The following PCDHA2 variants were observed in gnomAD, a reference collection of about 807,000 sequenced individuals.
PCDHA2 encodes protocadherin alpha-2.
A neutral mutation model predicts 66.0 loss-of-function variants in PCDHA2; 58 were observed. That is an observed-to-expected ratio of 0.88 (90% CI 0.71 to 1.09). The LOEUF (loss-of-function observed/expected upper bound fraction) is 1.09. Ranked by LOEUF, PCDHA2 falls within the 50% of genes least tolerant of loss-of-function variation. The pLI is 0.00. For missense variants in PCDHA2, 1,267 were observed against 1,242.3 expected (o/e 1.02, Z -0.30); for synonymous variants, 634 against 554.0 (o/e 1.14, Z -2.03).
intron 1 of PCDHA2, among the ~76,000 whole-genome samples, chr5:140,798,031 A>T (rs532072029): frequency 6.6e-6 from 1 of 151,744 alleles, no homozygotes; most frequent in Non-Finnish European, 1.5e-5. Flanking sequence ...TTCTTTTTTA[A>T]ATTTTTTATT....
At chr5:140,968,460 C>T (rs1554230749) in intron 1 of PCDHA2, 3 of 1,613,978 alleles carry the variant, frequency 1.9e-6, no homozygotes, top group Non-Finnish European at 2.5e-6. Context: ...ACTGTGACTG[C>T]CAACGTATAT....
chr5:140,925,668 A>G (rs1215540778), intron 1 of PCDHA2, among the ~76,000 whole-genome samples: 1 of 149,482 alleles, frequency 6.7e-6, no homozygotes, highest in Admixed American at 6.7e-5. Context: ...TAATAATAAT[A>G]ATAATAATAA....
chr5:140,830,306 C>T, intron 1 of PCDHA2: 11 of 1,613,980 alleles, frequency 6.8e-6, no homozygotes, highest in Non-Finnish European at 9.3e-6. Context: ...CAAGCCCACG[C>T]TGGTGTGCTC....
intron 1 of PCDHA2, among the ~76,000 whole-genome samples, chr5:140,939,802 A>C (rs1347672258): frequency 6.6e-6 from 1 of 152,220 alleles, no homozygotes; most frequent in Admixed American, 6.5e-5. Context: ...AATGTTCTGC[A>C]TGTTCAAGAA....
intron 1 of PCDHA2, among the ~76,000 whole-genome samples, chr5:140,977,165 T>C (rs921089293): frequency 1.3e-5 from 2 of 152,156 alleles, no homozygotes; most frequent in Non-Finnish European, 2.9e-5. Context: ...TTCAGCAAAA[T>C]GAGTTTGATG....
intron 1 of PCDHA2, chr5:140,857,901 G>A (rs782807567): frequency 1.9e-6 from 3 of 1,597,728 alleles, no homozygotes; most frequent in East Asian, 4.5e-5. Flanking sequence ...GTTGGTGCAC[G>A]CATCCCGTTT....
At chr5:140,847,164 T>C (rs1780885642) in intron 1 of PCDHA2, among the ~76,000 whole-genome samples, 1 of 149,534 alleles carries the variant, frequency 6.7e-6, no homozygotes, top group Non-Finnish European at 1.5e-5. Flanking sequence ...TTCTGAGTAA[T>C]AAACTAAAGG....
At chr5:140,967,150 C>T (rs1400431511) in intron 1 of PCDHA2, 1 of 1,611,004 alleles carries the variant, frequency 6.2e-7, no homozygotes, top group Non-Finnish European at 8.5e-7. Context: ...CGCACAACCC[C>T]GTGGCGGTGA....
At chr5:140,883,973 G>C (rs782157297) in intron 1 of PCDHA2, 1 of 1,612,840 alleles carries the variant, frequency 6.2e-7, no homozygotes, top group Non-Finnish European at 8.5e-7. Flanking sequence ...GCTGACGCCC[G>C]GGGCTGGCAG....
chr5:140,952,101 A>G (rs1451958490), intron 1 of PCDHA2, among the ~76,000 whole-genome samples: 1 of 151,950 alleles, frequency 6.6e-6, no homozygotes, highest in African/African-American at 2.4e-5. Flanking sequence ...TCCAGGGCAC[A>G]CTCGTGTGAG....
At chr5:140,803,309 C>T in intron 1 of PCDHA2, 1 of 1,614,164 alleles carries the variant, frequency 6.2e-7, no homozygotes, top group Non-Finnish European at 8.5e-7. Context: ...TCGTCGCCAT[C>T]TGCGCGGTGT....
chr5:140,946,611 A>T (rs868983636), intron 1 of PCDHA2, among the ~76,000 whole-genome samples: 1 of 86,804 alleles, frequency 1.2e-5, no homozygotes, highest in Admixed American at 1.2e-4. Context: ...GAAAATGTGA[A>T]ATATATATAT....
At chr5:141,005,478 C>T (rs1021420332) in intron 3 of PCDHA2, among the ~76,000 whole-genome samples, 8 of 151,550 alleles carry the variant, frequency 5.3e-5, no homozygotes, top group East Asian at 3.9e-4. Context: ...CCGAGACGGG[C>T]GGATCATGAG....
At chr5:140,828,526 T>C in intron 1 of PCDHA2, 4 of 1,614,226 alleles carry the variant, frequency 2.5e-6, no homozygotes, top group Non-Finnish European at 3.4e-6. Context: ...TTTACGAATC[T>C]AGGCTGCCAG....
At chr5:140,834,160 T>G (rs2150213873) in intron 1 of PCDHA2, 2 of 539,050 alleles carry the variant, frequency 3.7e-6, no homozygotes, top group Non-Finnish European at 6.5e-6. Context: ...GGTTTGTAAT[T>G]CTTACTTACA....
chr5:140,919,926 TG>T (rs1366281727), intron 1 of PCDHA2, among the ~76,000 whole-genome samples: 3 of 152,088 alleles, frequency 2.0e-5, no homozygotes, highest in African/African-American at 7.2e-5. Flanking sequence ...AATTTTCAGG[TG>T]GGGGCTAATT....
In PCDHA2 at chr5:140,839,587, A is replaced by C. The variant is rs192015697; in HGVS notation, c.2388+42235A>C. ...GTATTTTTTGTAGAGATGGGGTCTT[A>C]CCATGTTGCCCAGGCTGGTCTCAAA... On this transcript the variant is annotated intron_variant, in intron 1 of 3. Coordinates refer to ENST00000526136, the MANE Select transcript of PCDHA2 (RefSeq NM_018905.3). Among the ~76,000 whole-genome samples, 93 of 152,088 alleles carry C rather than the reference A, an allele frequency of 6.1e-4. 1 individual carries two copies. The highest frequency in any genetic ancestry group is 2.0e-3 in the African/African-American group (82 of 41,446).
At chr5:140,840,164 T>C (rs1554137707) in intron 1 of PCDHA2, among the ~76,000 whole-genome samples, 1 of 151,988 alleles carries the variant, frequency 6.6e-6, no homozygotes, top group African/African-American at 2.4e-5. Context: ...AGAGATGGGA[T>C]GTATACAAAT....
At chr5:140,878,389 T>A (rs528504145) in intron 1 of PCDHA2, among the ~76,000 whole-genome samples, 1 of 152,360 alleles carries the variant, frequency 6.6e-6, no homozygotes, top group East Asian at 1.9e-4. Flanking sequence ...ATTTTCTTCA[T>A]TGCTCACAAA....
Sources: gnomAD v4.1 joint callset for allele counts (sites outside exome capture counted in the v4.1 genomes callset) on GRCh38, gnomAD v4.1.1 for gene constraint, MANE v1.5 for transcripts, NCBI Gene and HGNC (gene_info 2026-07-23, HGNC 2026-07-21) for gene names.